The following GHR variants were observed in gnomAD, a reference collection of about 807,000 sequenced individuals.
GHR encodes the protein growth hormone receptor, also known as GH receptor.
A neutral mutation model predicts 67.1 loss-of-function variants in GHR; 35 were observed. The observed-to-expected ratio is 0.52, with a 90% CI of 0.40 to 0.69. The LOEUF (loss-of-function observed/expected upper bound fraction) is 0.69, where lower values mean the gene tolerates loss of function less well. Among genes scored for constraint, GHR ranks in the 30% least tolerant of loss-of-function variants. The pLI is 0.00. For synonymous variants in GHR, 272 were observed against 269.1 expected, an observed-to-expected ratio of 1.01 and a Z score of -0.10; for missense variants, 792 against 764.6, an observed-to-expected ratio of 1.04 and a Z score of -0.42.
intron 3 of GHR, among the ~76,000 whole-genome samples, chr5:42,635,405 A>G (rs915386407): frequency 1.1e-4 from 17 of 152,240 alleles, no homozygotes; most frequent in Non-Finnish European, 1.6e-4. Flanking sequence ...TGAAGAAGAT[A>G]TTGCCAATGC....
chr5:42,521,657 A>G (rs1475195278), intron 1 of GHR, among the ~76,000 whole-genome samples: 2 of 152,208 alleles, frequency 1.3e-5, no homozygotes, highest in Non-Finnish European at 2.9e-5. Context: ...CACACTTGGC[A>G]CATATTACTT....
At chr5:42,711,101 C>G in intron 6 of GHR, 106 bp from the exon 7 acceptor site, 1 of 846,392 alleles carries the variant, frequency 1.2e-6, no homozygotes, top group Admixed American at 1.7e-5. Context: ...ATATTACCTA[C>G]TTTATAAAAA....
intron 2 of GHR, among the ~76,000 whole-genome samples, chr5:42,595,100 C>G (rs1468540349): frequency 6.6e-6 from 1 of 152,148 alleles, no homozygotes; most frequent in Non-Finnish European, 1.5e-5. Context: ...TACAATAATA[C>G]TAAAAATATA....
At chr5:42,498,612 G>A (rs1746413861) in intron 1 of GHR, among the ~76,000 whole-genome samples, 1 of 152,188 alleles carries the variant, frequency 6.6e-6, no homozygotes, top group South Asian at 2.1e-4. Context: ...GGAGATCCAA[G>A]CATCATGTTT....
At chr5:42,715,075 C>A in intron 8 of GHR, 1 of 365,108 alleles carries the variant, frequency 2.7e-6, no homozygotes, top group Non-Finnish European at 5.4e-6. Context: ...TAATACAGTG[C>A]TTTTTATAAA....
At chr5:42,603,460 G>A (rs1752479051) in intron 2 of GHR, among the ~76,000 whole-genome samples, 1 of 151,698 alleles carries the variant, frequency 6.6e-6, no homozygotes, top group Admixed American at 6.6e-5. Flanking sequence ...TTCTCCTTTT[G>A]TATATTCCGT....
intron 4 of GHR, among the ~76,000 whole-genome samples, chr5:42,694,015 C>T (rs1242337180): frequency 6.6e-6 from 1 of 152,158 alleles, no homozygotes; most frequent in Non-Finnish European, 1.5e-5. Flanking sequence ...ATCCCTTTGA[C>T]CTCTCTGTTT....
chr5:42,598,478 C>T (rs1336552292), intron 2 of GHR, among the ~76,000 whole-genome samples: 1 of 152,152 alleles, frequency 6.6e-6, no homozygotes, highest in Non-Finnish European at 1.5e-5. Flanking sequence ...CCTCTTGCCT[C>T]CTATTTCAAC....
intron 3 of GHR, among the ~76,000 whole-genome samples, chr5:42,663,352 A>G (rs1755760516): frequency 1.3e-5 from 2 of 152,232 alleles, no homozygotes; most frequent in Non-Finnish European, 2.9e-5. Flanking sequence ...TCAGTAAAAT[A>G]CTAGCAAACC....
At chr5:42,616,592 G>A (rs373634585) in intron 2 of GHR, among the ~76,000 whole-genome samples, 4 of 151,930 alleles carry the variant, frequency 2.6e-5, no homozygotes, top group Admixed American at 2.6e-4. Flanking sequence ...CAATGGAGAG[G>A]CTCAGACTAA....
intron 3 of GHR, among the ~76,000 whole-genome samples, chr5:42,633,961 G>T (rs1188702321): frequency 6.6e-6 from 1 of 152,128 alleles, no homozygotes; most frequent in Non-Finnish European, 1.5e-5. Context: ...CCCACAAGAG[G>T]ATTCTGCTTT....
chr5:42,594,422 C>T (rs2112606653), intron 2 of GHR, among the ~76,000 whole-genome samples: 1 of 152,232 alleles, frequency 6.6e-6, no homozygotes, highest in South Asian at 2.1e-4. Flanking sequence ...ATAAATAATC[C>T]CAAACCTTCC....
intron 5 of GHR, among the ~76,000 whole-genome samples, chr5:42,696,214 G>T (rs759138558): frequency 1.3e-5 from 2 of 152,192 alleles, no homozygotes; most frequent in Non-Finnish European, 2.9e-5. Context: ...CATGTGTCAC[G>T]CACTGTTCTG....
chr5:42,433,024 T>C (rs1743162144), intron 1 of GHR, among the ~76,000 whole-genome samples: 1 of 152,210 alleles, frequency 6.6e-6, no homozygotes, highest in Admixed American at 6.5e-5. Context: ...ATTATTCTCC[T>C]TAGATTAATG....
chr5:42,670,083 A>G (rs1248648255), intron 3 of GHR, among the ~76,000 whole-genome samples: 2 of 152,234 alleles, frequency 1.3e-5, no homozygotes, highest in Non-Finnish European at 2.9e-5. Flanking sequence ...GACCAAAAAG[A>G]GCAATGCTGG....
intron 2 of GHR, among the ~76,000 whole-genome samples, chr5:42,580,311 C>A (rs1314329349): frequency 6.6e-6 from 1 of 151,966 alleles, no homozygotes; most frequent in Non-Finnish European, 1.5e-5. Context: ...AGATAAAAAC[C>A]TCTATGGTCA....
chr5:42,614,602 C>G (rs1753053282), intron 2 of GHR, among the ~76,000 whole-genome samples: 1 of 120,980 alleles, frequency 8.3e-6, no homozygotes, highest in Non-Finnish European at 1.6e-5. Flanking sequence ...GCATGGAGCA[C>G]AGATTACTGC....
At chr5:42,508,736 G>C (rs1746883796) in intron 1 of GHR, among the ~76,000 whole-genome samples, 1 of 152,096 alleles carries the variant, frequency 6.6e-6, no homozygotes, top group African/African-American at 2.4e-5. Context: ...ACCACGCCCG[G>C]CTAATTTTTT....
At chr5:42,636,205 G>A (rs1389495845) in intron 3 of GHR, among the ~76,000 whole-genome samples, 15 of 80,608 alleles carry the variant, frequency 1.9e-4, no homozygotes, top group African/African-American at 7.0e-4. Flanking sequence ...GCGAGACCCC[G>A]TTTCAAAAAA....
Sources: allele counts gnomAD v4.1 joint callset (sites outside exome capture counted in the v4.1 genomes callset), GRCh38; gene constraint gnomAD v4.1.1; transcripts MANE v1.5; gene names NCBI Gene and HGNC (gene_info 2026-07-23, HGNC 2026-07-21).